DOCK9: variants seen among roughly 807,000 people sequenced by gnomAD.
DOCK9 encodes dedicator of cytokinesis protein 9.
DOCK9 carries 89 observed loss-of-function variants against 263.3 expected under a neutral mutation model. The ratio of observed to expected loss-of-function variants is 0.34; its 90% CI spans 0.28 to 0.40. The LOEUF is 0.40. Ranked by LOEUF, DOCK9 falls within the 10% of genes least tolerant of loss-of-function variation. The pLI is 1.00. For missense variants in DOCK9, 2,140 were observed against 2,603.4 expected, an observed-to-expected ratio of 0.82 and a Z score of 3.87; for synonymous variants, 976 against 973.1, an observed-to-expected ratio of 1.00 and a Z score of -0.06.
At chr13:99,080,597 C>T (rs775156312) in intron 1 of DOCK9, among the ~76,000 whole-genome samples, 3 of 152,172 alleles carry the variant, frequency 2.0e-5, no homozygotes, top group Non-Finnish European at 4.4e-5. Context: ...TTGGTCCTAC[C>T]TGAGCATACT....
chr13:98,795,908 C>A (rs1316118523), intron 52 of DOCK9, among the ~76,000 whole-genome samples: 1 of 151,922 alleles, frequency 6.6e-6, no homozygotes, highest in Admixed American at 6.6e-5. Context: ...AGGGTATGTG[C>A]CACTACACCC....
chr13:98,893,388 G>A (rs2046921649), intron 15 of DOCK9, among the ~76,000 whole-genome samples: 3 of 152,282 alleles, frequency 2.0e-5, no homozygotes, highest in South Asian at 4.1e-4. Context: ...ATTTCCTGCA[G>A]AAGTTGGAAA....
chr13:98,881,008 T>A (rs893585340), intron 25 of DOCK9, among the ~76,000 whole-genome samples: 2 of 152,214 alleles, frequency 1.3e-5, no homozygotes, highest in African/African-American at 4.8e-5. Context: ...TATCACATAG[T>A]TGTAATTTAC....
rs1566531956 is a variant in DOCK9, at chr13:98,804,995, A to C, written c.5725+4T>G. The C allele has an allele frequency of 6.3e-7, 1 of 1,596,052 alleles. No homozygotes were observed. The highest frequency in any genetic ancestry group is 8.5e-7 in the Non-Finnish European group (1 of 1,171,456). Reference sequence around the variant, plus strand: ...CGTGTCCATGCGGCTTCTGGGGCCCATACCTGTCAGGATGGTGCGCCGTTT... The same window carrying C: ...CGTGTCCATGCGGCTTCTGGGGCCCCTACCTGTCAGGATGGTGCGCCGTTT... On this transcript the variant is annotated splice_donor_region_variant and intron_variant, in intron 49 of 52. Transcript: ENST00000682017.
intron 1 of DOCK9, among the ~76,000 whole-genome samples, chr13:98,969,130 C>T (rs1053718794): frequency 6.6e-6 from 1 of 152,116 alleles, no homozygotes; most frequent in African/African-American, 2.4e-5. Context: ...ACTCTGGGAA[C>T]CTATGTCTGC....
At chr13:98,952,116 T>G (rs2057505473) in intron 2 of DOCK9, among the ~76,000 whole-genome samples, 1 of 151,854 alleles carries the variant, frequency 6.6e-6, no homozygotes, top group African/African-American at 2.4e-5. Context: ...CAGGCTGGTC[T>G]CAAACACCTG....
intron 1 of DOCK9, chr13:99,015,721 C>G: frequency 1.4e-6 from 2 of 1,419,630 alleles, no homozygotes; most frequent in Non-Finnish European, 1.8e-6. Flanking sequence ...CAAGCAGTCA[C>G]CGGTACTGGA....
chr13:98,865,204 C>A (rs1373037054), intron 30 of DOCK9, among the ~76,000 whole-genome samples: 1 of 152,272 alleles, frequency 6.6e-6, no homozygotes, highest in East Asian at 1.9e-4. Flanking sequence ...GTAGCTGAGG[C>A]TACAGATGTG....
At chr13:99,085,573 C>A (rs555331048) in intron 1 of DOCK9, among the ~76,000 whole-genome samples, 2 of 152,326 alleles carry the variant, frequency 1.3e-5, no homozygotes, top group East Asian at 1.9e-4. Context: ...TTACTTAGAA[C>A]CCCCAAACGT....
chr13:98,861,131 A>G (rs1382121035), intron 32 of DOCK9, among the ~76,000 whole-genome samples: 1 of 152,258 alleles, frequency 6.6e-6, no homozygotes, highest in Non-Finnish European at 1.5e-5. Context: ...ACAGGGCTAG[A>G]GAATACAAGT....
intron 33 of DOCK9, chr13:98,860,114 T>C: frequency 6.7e-6 from 7 of 1,041,440 alleles, no homozygotes; most frequent in Non-Finnish European, 8.8e-6. Flanking sequence ...GTATACACAA[T>C]CCAATTAAGA....
At chr13:98,869,859 C>T (rs1346355992) in intron 27 of DOCK9, among the ~76,000 whole-genome samples, 1 of 152,262 alleles carries the variant, frequency 6.6e-6, no homozygotes, top group Non-Finnish European at 1.5e-5. Flanking sequence ...CTTCCTGTGC[C>T]ACTGCCTGGA....
intron 15 of DOCK9, among the ~76,000 whole-genome samples, chr13:98,891,354 T>G (rs929296536): frequency 9.2e-5 from 14 of 152,232 alleles, no homozygotes; most frequent in African/African-American, 3.4e-4. Flanking sequence ...CACAAGACAC[T>G]GCACTCCACA....
intron 27 of DOCK9, among the ~76,000 whole-genome samples, chr13:98,872,230 A>C (rs1259765569): frequency 6.6e-6 from 1 of 152,356 alleles, no homozygotes; most frequent in Non-Finnish European, 1.5e-5. Flanking sequence ...GACGTAAATA[A>C]GACTTTTAAT....
chr13:98,815,473 T>G (rs2091758447), intron 45 of DOCK9, among the ~76,000 whole-genome samples: 1 of 152,126 alleles, frequency 6.6e-6, no homozygotes, highest in Non-Finnish European at 1.5e-5. Flanking sequence ...AATTTTTTTT[T>G]GTTTGTTTGT....
intron 1 of DOCK9, among the ~76,000 whole-genome samples, chr13:99,073,409 T>TC (rs1347500698): frequency 9.0e-6 from 1 of 111,690 alleles, no homozygotes; most frequent in African/African-American, 3.1e-5. Context: ...TCTTTCATGC[T>TC]TCCTCCCTTA....
At chr13:99,000,922 C>T (rs1276746512) in intron 1 of DOCK9, among the ~76,000 whole-genome samples, 1 of 152,144 alleles carries the variant, frequency 6.6e-6, no homozygotes, top group Non-Finnish European at 1.5e-5. Context: ...AGCTCAGGAG[C>T]ACCTAGGGTG....
At chr13:99,073,099 T>C (rs2041753232) in intron 1 of DOCK9, among the ~76,000 whole-genome samples, 1 of 152,290 alleles carries the variant, frequency 6.6e-6, no homozygotes, top group South Asian at 2.1e-4. Flanking sequence ...AACTGATTTA[T>C]AGCCTTGTTG....
At chr13:99,043,211 T>C (rs1244926877) in intron 1 of DOCK9, among the ~76,000 whole-genome samples, 2 of 152,086 alleles carry the variant, frequency 1.3e-5, no homozygotes, top group African/African-American at 4.8e-5. Flanking sequence ...TCCAAATCCC[T>C]GGAAGCCCCT....
Sources: allele counts gnomAD v4.1 joint callset (sites outside exome capture counted in the v4.1 genomes callset), GRCh38; gene constraint gnomAD v4.1.1; transcripts MANE v1.5; gene names NCBI Gene and HGNC (gene_info 2026-07-23, HGNC 2026-07-21).